ACACB: variants seen among roughly 807,000 people sequenced by gnomAD.
ACACB encodes acetyl-CoA carboxylase beta.
Under a neutral mutation model 278.8 loss-of-function variants are expected in ACACB, and 209 were observed. The observed-to-expected ratio is 0.75, with a 90% CI of 0.67 to 0.84. The LOEUF (loss-of-function observed/expected upper bound fraction) is 0.84, where lower values mean the gene tolerates loss of function less well. ACACB is among the 40% of genes least tolerant of loss of function. The pLI, the probability that ACACB is intolerant of heterozygous loss-of-function variation, is 0.00. For missense variants in ACACB, 2,850 were observed against 3,269.0 expected (o/e 0.87, Z 3.13); for synonymous variants, 1,174 against 1,285.6 (o/e 0.91, Z 1.86).
chr12:109,215,539 G>A (rs547488309), intron 22 of ACACB, among the ~76,000 whole-genome samples: 16 of 152,120 alleles, frequency 1.1e-4, no homozygotes, highest in Non-Finnish European at 2.1e-4. Flanking sequence ...CAAGACAGCC[G>A]GATCATGAGG....
chr12:109,171,997 G>A (rs1241153440), intron 5 of ACACB, 83 bp downstream of exon 5: 1 of 1,172,356 alleles, frequency 8.5e-7, no homozygotes, highest in Non-Finnish European at 1.3e-6. Flanking sequence ...CAGTTCACAA[G>A]GGGTGGAGGG....
chr12:109,260,727 G>A, intron 48 of ACACB, 70 bp downstream of exon 48: 1 of 1,393,860 alleles, frequency 7.2e-7, no homozygotes, highest in Non-Finnish European at 9.4e-7. Context: ...CATGACCTTG[G>A]GAGATCATGG....
chr12:109,172,142 G>A (rs1033997056), intron 5 of ACACB, 133 bp from the exon 6 acceptor site: 20 of 908,460 alleles, frequency 2.2e-5, no homozygotes, highest in Middle Eastern at 3.5e-4. Flanking sequence ...GGCTGGTCTC[G>A]AACTCCTGGG....
chr12:109,181,275 T>C (rs2044460758), intron 11 of ACACB, among the ~76,000 whole-genome samples: 1 of 150,290 alleles, frequency 6.7e-6, no homozygotes, highest in Admixed American at 6.7e-5. Context: ...TTGCCCAGGC[T>C]GGAGTGTAGT....
Position 109,199,401 on chromosome 12 carries a change from G to A in ACACB, c.2628-1G>A. On this transcript the variant is annotated splice_acceptor_variant, in intron 17 of 52. Coordinates refer to ENST00000338432, the MANE Select transcript of ACACB (RefSeq NM_001093.4). LOFTEE classifies it high-confidence loss of function. ...CCTACCCGACTCCTCCTCTCTCCCA[G>A]TTACCGAATTACCATCGGCAATAAG... 3 of 1,482,878 alleles carry A rather than the reference G, an allele frequency of 2.0e-6. No individual in the cohort carries two copies. The South Asian group carries it at 4.3e-5, about 21-fold the overall frequency. The allele number at this position is 1,482,878 out of a possible 1,614,324, so 91.9% of individuals were successfully genotyped here. A position where few individuals can be genotyped will look rare whatever the true frequency, so the allele number is the denominator to read the frequency against.
Position 109,241,296 on chromosome 12 carries a change from C to T in ACACB, c.5022+15C>T, listed in dbSNP as rs183674812. On this transcript the variant is annotated intron_variant, in intron 36 of 52. Coordinates refer to ENST00000338432, the MANE Select transcript of ACACB (RefSeq NM_001093.4). ...GATCTGGAAATGTAAGGCTGGCCCG[C>T]GCCGTGGGGGTCTAAGTCAAAGCAG... The T allele has an allele frequency of 6.6e-4, 1,061 of 1,612,858 alleles. 2 individuals are homozygous for T. The highest frequency in any genetic ancestry group is 5.4e-3 in the South Asian group (496 of 91,064).
intron 28 of ACACB, among the ~76,000 whole-genome samples, chr12:109,228,921 T>TC (rs2046393955): frequency 6.6e-6 from 1 of 152,142 alleles, no homozygotes; most frequent in Non-Finnish European, 1.5e-5. Flanking sequence ...TGGCATGCCA[T>TC]TGGCCTGGGC....
rs1238308156 is a variant in ACACB, at chr12:109,206,705, A to C, written c.2914-5A>C. On this transcript the variant is annotated splice_polypyrimidine_tract_variant and splice_region_variant and intron_variant, in intron 19 of 52. Transcript: ENST00000338432. ...TGACCTGTCGTTCTTGTGGTGTCTC[A>C]TCAGGCTGAACCGTTCACAGGAGAA... 1 of 1,613,814 alleles carries C rather than the reference A, an allele frequency of 6.2e-7. No individual in the cohort carries two copies. The highest frequency in any genetic ancestry group is 8.5e-7 in the Non-Finnish European group (1 of 1,179,992).
Position 109,260,442 on chromosome 12 carries a change from G to A in ACACB, c.6497-38G>A, listed in dbSNP as rs184502297. On this transcript the variant is annotated intron_variant, in intron 47 of 52. Transcript: ENST00000338432. The stretch of plus-strand genomic sequence containing the variant: ...GGCAGTGGGTTTCATGTGTGGATGA[G>A]TGAGGGCCCTGAACTGGGAGGCTGC... 1,376 of 1,613,334 alleles carry A rather than the reference G, an allele frequency of 8.5e-4. 8 individuals carry two copies. Among genetic ancestry groups the A allele is most frequent in the Non-Finnish European group, 2.9e-4 (337 of 1,179,500 alleles).
rs1304354296 is a variant in ACACB, at chr12:109,185,689, C to A, written c.1929C>A (p.Leu643=). 1 of 1,613,442 alleles carries A rather than the reference C, an allele frequency of 6.2e-7. No homozygotes were observed. Among genetic ancestry groups the A allele is most frequent in the Non-Finnish European group, 8.5e-7 (1 of 1,179,730 alleles). ...ISFETPSNPP[L]ARGHVIAARI... ...TTGAAACCCCCTCAAACCCTCCCCT[C>A]GCCCGAGGCCACGTCATTGCCGCCA... The change falls in exon 12 of 53, where the codon CTC becomes CTA. Residue 643 remains leucine (L), a synonymous_variant. Coordinates refer to ENST00000338432, the MANE Select transcript of ACACB (RefSeq NM_001093.4).
At chr12:109,170,980 G>GC (rs1391102235) in intron 4 of ACACB, among the ~76,000 whole-genome samples, 1 of 150,582 alleles carries the variant, frequency 6.6e-6, no homozygotes, top group African/African-American at 2.4e-5. Context: ...GGGACTATAG[G>GC]CATGCACCAC....
chr12:109,125,355 C>T (rs749477364), intron 1 of ACACB: 1 of 152,254 alleles, frequency 6.6e-6, no homozygotes, highest in African/African-American at 2.4e-5. Flanking sequence ...ATGTACATTT[C>T]TGCCCCAGCC....
rs200271259 is a variant in ACACB at position 109,266,222 on chromosome 12, C to T, written c.7251-14C>T. 2.2e-5 allele frequency: 35 copies of T among 1,610,712 alleles called. No individual in the cohort carries two copies. The highest frequency in any genetic ancestry group is 2.9e-5 in the Non-Finnish European group (34 of 1,178,548). Reference sequence around the variant, plus strand: ...GCTGGAGTGATCCCAGCCCTCCTCTCACCTCCCCCACAGCCTGGTTGAAGA... The same window carrying T: ...GCTGGAGTGATCCCAGCCCTCCTCTTACCTCCCCCACAGCCTGGTTGAAGA... On this transcript the variant is annotated splice_polypyrimidine_tract_variant and intron_variant, in intron 52 of 52. Coordinates refer to ENST00000338432, the MANE Select transcript of ACACB (RefSeq NM_001093.4).
Position 109,210,129 on chromosome 12 carries a change from A to G in ACACB, c.3249+776A>G, listed in dbSNP as rs1217575825. Among the ~76,000 whole-genome samples the G allele has an allele frequency of 1.9e-4, 15 of 77,798 alleles. No homozygotes were observed. In the Admixed American group the frequency reaches 2.0e-3, roughly 10 times the overall value. The allele number at this position is 77,798 out of a possible 152,430, so 51.0% of individuals were successfully genotyped here. Reference sequence around the variant, plus strand: ...TATATGTATATATACACGTACATGTATGTGTGTATATATGTATATATACAC... The same window carrying G: ...TATATGTATATATACACGTACATGTGTGTGTGTATATATGTATATATACAC... On this transcript the variant is annotated intron_variant, in intron 21 of 52. Transcript: ENST00000338432.
At chr12:109,155,227 G>A (rs1242325265) in intron 2 of ACACB, among the ~76,000 whole-genome samples, 2 of 152,248 alleles carry the variant, frequency 1.3e-5, no homozygotes, top group African/African-American at 2.4e-5. Flanking sequence ...TTGCGCAGGG[G>A]CACGCCTTCC....
chr12:109,259,574 A>AC (rs925330796), intron 47 of ACACB, among the ~76,000 whole-genome samples: 1 of 136,290 alleles, frequency 7.3e-6, no homozygotes, highest in African/African-American at 2.6e-5. Flanking sequence ...AAAAAAAAAA[A>AC]CAAAAAAACA....
At chr12:109,259,545 G>A (rs2047321835) in intron 47 of ACACB, among the ~76,000 whole-genome samples, 3 of 151,132 alleles carry the variant, frequency 2.0e-5, no homozygotes, top group Non-Finnish European at 3.0e-5. Flanking sequence ...CCTGGGCAAC[G>A]GAGTGAGACC....
chr12:109,176,373 G>C, intron 9 of ACACB, 110 bp downstream of exon 9: 1 of 972,506 alleles, frequency 1.0e-6, no homozygotes, highest in Non-Finnish European at 1.6e-6. Context: ...ACATTTGTAG[G>C]AGCTGGATGT....
chr12:109,212,947 G>T lies in ACACB; in HGVS notation c.3350+11G>T. The T allele has an allele frequency of 6.2e-7, 1 of 1,611,246 alleles. No homozygotes were observed. Among genetic ancestry groups the T allele is most frequent in the Non-Finnish European group, 8.5e-7 (1 of 1,177,448 alleles). On this transcript the variant is annotated intron_variant, in intron 22 of 52. Coordinates refer to ENST00000338432, the MANE Select transcript of ACACB (RefSeq NM_001093.4). ...GCAGTTGGTCCAGAGGTGAATCCTG[G>T]GTCTCCCCGTAGGATGTGGTTGTCA... is the stretch of plus-strand genomic sequence containing the variant.
Sources: allele counts gnomAD v4.1 joint callset (sites outside exome capture counted in the v4.1 genomes callset), GRCh38; gene constraint gnomAD v4.1.1; transcripts MANE v1.5; gene names NCBI Gene and HGNC (gene_info 2026-07-23, HGNC 2026-07-21).